The following PHLDB2 variants were observed in gnomAD, a reference collection of about 807,000 sequenced individuals.
The protein encoded by PHLDB2 is pleckstrin homology-like domain family B member 2.
A neutral mutation model predicts 123.6 loss-of-function variants in PHLDB2; 71 were observed. That is an observed-to-expected ratio of 0.57 (90% CI 0.47 to 0.70). The LOEUF is 0.70. Among genes scored for constraint, PHLDB2 ranks in the 30% least tolerant of loss-of-function variants. The pLI is 0.00. For synonymous variants in PHLDB2, 547 were observed against 541.6 expected (o/e 1.01, Z -0.14); for missense variants, 1,446 against 1,519.5 (o/e 0.95, Z 0.80).
chr3:111,935,858 A>G (rs1194199324), intron 6 of PHLDB2, among the ~76,000 whole-genome samples: 2 of 152,166 alleles, frequency 1.3e-5, no homozygotes, highest in Non-Finnish European at 2.9e-5. Flanking sequence ...CTCAAATGTT[A>G]ATCTTTGGCA....
chr3:111,790,228 A>C (rs1559832493), intron 1 of PHLDB2, among the ~76,000 whole-genome samples: 4 of 152,130 alleles, frequency 2.6e-5, no homozygotes, highest in Admixed American at 6.5e-5. Flanking sequence ...TTCCCTTATT[A>C]GAAATAAAGA....
chr3:111,975,860 G>A lies in PHLDB2; in HGVS notation c.*1297G>A, dbSNP rs1422024475. ...ACAAGATGAAATGATTAGATTAGAA[G>A]TGTCCCTTTATTAAACTTTGTCAGC... is the stretch of plus-strand genomic sequence containing the variant. On this transcript the variant is annotated 3_prime_UTR_variant, in exon 18 of 18. Coordinates refer to ENST00000431670, the MANE Select transcript of PHLDB2 (RefSeq NM_001134438.2). 1 of 152,620 alleles carries A rather than the reference G, an allele frequency of 6.6e-6. No homozygotes were observed. The highest frequency in any genetic ancestry group is 2.4e-5 in the African/African-American group (1 of 41,462). 9.5% of individuals were successfully genotyped at this position (152,620 alleles called of 1,614,324 possible). A position where few individuals can be genotyped will look rare whatever the true frequency, so the allele number is the denominator to read the frequency against.
In PHLDB2 at chr3:111,976,427, C is replaced by T. The variant is rs189061683; in HGVS notation, c.*1864C>T. 1.1e-4 allele frequency: 16 copies of T among 152,224 alleles called. No homozygotes were observed. The highest frequency in any genetic ancestry group is 3.9e-4 in the Admixed American group (6 of 15,288). The allele number at this position is 152,224 out of a possible 1,614,324, so 9.4% of individuals were successfully genotyped here. A position where few individuals can be genotyped will look rare whatever the true frequency, so the allele number is the denominator to read the frequency against. ...CAATAGAAGTATCTCTGGTTACATC[C>T]TATTGCTTACAAAATGAAATGAACC... On this transcript the variant is annotated 3_prime_UTR_variant, in exon 18 of 18. Transcript: ENST00000431670.
At chr3:111,923,621 T>C (rs2068649451) in intron 5 of PHLDB2, among the ~76,000 whole-genome samples, 1 of 152,162 alleles carries the variant, frequency 6.6e-6, no homozygotes, top group Non-Finnish European at 1.5e-5. Context: ...CTTGATCTTA[T>C]CTTTTCCCTT....
At chr3:111,866,838 G>T (rs751094774) in intron 1 of PHLDB2, among the ~76,000 whole-genome samples, 12 of 151,916 alleles carry the variant, frequency 7.9e-5, no homozygotes, top group Non-Finnish European at 1.6e-4. Flanking sequence ...CTAGCTTTAC[G>T]GGGGACTTGA....
intron 1 of PHLDB2, among the ~76,000 whole-genome samples, chr3:111,778,858 C>A (rs930461804): frequency 6.6e-6 from 1 of 152,060 alleles, no homozygotes; most frequent in Non-Finnish European, 1.5e-5. Flanking sequence ...ACACTTTCTC[C>A]CCAGTTCTCT....
At chr3:111,924,588 A>G (rs1028468048) in intron 5 of PHLDB2, among the ~76,000 whole-genome samples, 6 of 152,250 alleles carry the variant, frequency 3.9e-5, no homozygotes, top group African/African-American at 1.4e-4. Flanking sequence ...CGTAAGACAG[A>G]AGGAGGAAGT....
At chr3:111,827,719 CA>C (rs1462005779) in intron 1 of PHLDB2, among the ~76,000 whole-genome samples, 2 of 146,240 alleles carry the variant, frequency 1.4e-5, no homozygotes, top group Non-Finnish European at 3.0e-5. Context: ...AAGGAAAGAC[CA>C]AAAACTGAGC....
chr3:111,747,724 A>C (rs927339962), intron 1 of PHLDB2, among the ~76,000 whole-genome samples: 3 of 152,234 alleles, frequency 2.0e-5, no homozygotes, highest in African/African-American at 7.2e-5. Context: ...ACTTCTCATT[A>C]TAAAGCAGTG....
At chr3:111,794,208 G>C (rs1213608471) in intron 1 of PHLDB2, among the ~76,000 whole-genome samples, 1 of 151,976 alleles carries the variant, frequency 6.6e-6, no homozygotes, top group Non-Finnish European at 1.5e-5. Context: ...ACTAGGGCTG[G>C]TCTAAATGCT....
chr3:111,826,180 G>A (rs916594336), intron 1 of PHLDB2, among the ~76,000 whole-genome samples: 4 of 151,934 alleles, frequency 2.6e-5, no homozygotes, highest in Non-Finnish European at 5.9e-5. Context: ...ATGGTGGCAC[G>A]TGTTTGTATT....
intron 2 of PHLDB2, among the ~76,000 whole-genome samples, chr3:111,900,515 T>C (rs985807410): frequency 2.0e-5 from 3 of 152,196 alleles, no homozygotes; most frequent in Non-Finnish European, 2.9e-5. Flanking sequence ...AAATGGCCTG[T>C]TGATGGAGCG....
chr3:111,946,016 G>GA (rs1190756290), intron 9 of PHLDB2, among the ~76,000 whole-genome samples: 1 of 151,436 alleles, frequency 6.6e-6, no homozygotes, highest in Non-Finnish European at 1.5e-5. Flanking sequence ...TTATAACTGA[G>GA]AAAAAAAATA....
chr3:111,782,670 C>G (rs189417139), intron 1 of PHLDB2, among the ~76,000 whole-genome samples: 80 of 152,186 alleles, frequency 5.3e-4, no homozygotes, highest in Non-Finnish European at 9.1e-4. Context: ...TTCTGTAGTA[C>G]CAAGTACTGA....
chr3:111,934,505 G>T (rs945492831), intron 6 of PHLDB2, among the ~76,000 whole-genome samples: 1 of 152,190 alleles, frequency 6.6e-6, no homozygotes. Context: ...AAAAGAATAA[G>T]AAGAAAGTTA....
intron 1 of PHLDB2, among the ~76,000 whole-genome samples, chr3:111,817,243 C>T (rs558815505): frequency 3.3e-5 from 5 of 152,294 alleles, no homozygotes; most frequent in African/African-American, 1.2e-4. Flanking sequence ...TCTCACTATG[C>T]CCCACCTCCC....
chr3:111,868,367 CCATGTCCACA>C (rs2065183160), intron 1 of PHLDB2, among the ~76,000 whole-genome samples: 1 of 152,160 alleles, frequency 6.6e-6, no homozygotes, highest in Non-Finnish European at 1.5e-5. Flanking sequence ...GGATCCAAAA[CCATGTCCACA>C]CATTGCATTT....
In PHLDB2 at chr3:111,939,611, G is replaced by A. The variant is rs764151311; in HGVS notation, c.2267G>A (p.Arg756Gln). 15 of 1,609,082 alleles carry A rather than the reference G, an allele frequency of 9.3e-6. No individual in the cohort carries two copies. Among genetic ancestry groups the A allele is most frequent in the Admixed American group, 6.8e-5 (4 of 58,672 alleles). ...CTGCGTGAAGTTGCTGAATATCAAC[G>A]GAACATCGTTTCTAGAAAGGTACTT... ...QLLREVAEYQ[R>Q]NIVSRKEKIS... Residue 756 changes from arginine to glutamine, a missense_variant, in exon 7 of 18, where the codon CGG becomes CAG. By Grantham distance (43) the Arg-to-Gln change is conservative. Transcript: ENST00000431670.
At chr3:111,779,356 G>T (rs2060326661) in intron 1 of PHLDB2, among the ~76,000 whole-genome samples, 1 of 151,934 alleles carries the variant, frequency 6.6e-6, no homozygotes, top group Non-Finnish European at 1.5e-5. Flanking sequence ...CTGTCACCCA[G>T]GTACTAAGCG....
Sources: gnomAD v4.1 joint callset for allele counts (sites outside exome capture counted in the v4.1 genomes callset) on GRCh38, gnomAD v4.1.1 for gene constraint, MANE v1.5 for transcripts, NCBI Gene and HGNC (gene_info 2026-07-23, HGNC 2026-07-21) for gene names.